The following KATNAL2 variants were observed in gnomAD, a reference collection of about 807,000 sequenced individuals.
KATNAL2 encodes katanin p60 ATPase-containing subunit A-like 2.
A neutral mutation model predicts 76.3 loss-of-function variants in KATNAL2; 52 were observed. The ratio of observed to expected loss-of-function variants is 0.68; its 90% CI spans 0.55 to 0.86. The LOEUF is 0.86. Among genes scored for constraint, KATNAL2 ranks in the 40% least tolerant of loss-of-function variants. KATNAL2 has a pLI of 0.00. For missense variants in KATNAL2, 660 were observed against 668.9 expected, an observed-to-expected ratio of 0.99 and a Z score of 0.15; for synonymous variants, 243 against 244.2, an observed-to-expected ratio of 1.00 and a Z score of 0.05.
At chr18:46,956,610 C>T (rs1331093158) in intron 3 of KATNAL2, among the ~76,000 whole-genome samples, 1 of 143,216 alleles carries the variant, frequency 7.0e-6, no homozygotes, top group East Asian at 1.9e-4. Flanking sequence ...TTGCTTTCTT[C>T]CCCCCATCCC....
In KATNAL2 at chr18:47,052,949, C is replaced by T. The variant is rs1053395321; in HGVS notation, c.192C>T (p.Asp64=). 6.2e-7 allele frequency: 1 copy of T among 1,611,862 alleles called. No individual in the cohort carries two copies. The highest frequency in any genetic ancestry group is 1.3e-5 in the African/African-American group (1 of 74,998). The change falls in exon 5 of 18, where the codon GAC becomes GAT. Residue 64 remains aspartate (D), a synonymous_variant. Coordinates refer to ENST00000683218, the MANE Select transcript of KATNAL2 (RefSeq NM_001387690.1). The part of the protein sequence containing the change: ...KLGLRRFEVC[D]NIDLETILME... The stretch of plus-strand genomic sequence containing the variant: ...GGTTACGACGGTTTGAAGTTTGTGA[C>T]AACATTGATCTTGAAACTATTTTGA...
chr18:47,033,437 G>A (rs748720042), intron 3 of KATNAL2: 1 of 1,614,136 alleles, frequency 6.2e-7, no homozygotes, highest in Non-Finnish European at 8.5e-7. Context: ...TCCGGAAGCC[G>A]CAGGTACTGC....
intron 3 of KATNAL2, among the ~76,000 whole-genome samples, chr18:46,959,418 C>A (rs925614738): frequency 1.3e-5 from 2 of 152,142 alleles, no homozygotes; most frequent in Non-Finnish European, 2.9e-5. Flanking sequence ...ATTAGACAAC[C>A]TGGAACATGT....
rs146945961 is a variant in KATNAL2, at chr18:46,935,110, C to T, written c.-509-10947C>T. Among the ~76,000 whole-genome samples, 14 of 151,790 alleles carry T rather than the reference C, an allele frequency of 9.2e-5. No individual in the cohort carries two copies. The East Asian group carries it at 2.3e-3, about 25-fold the overall frequency. On this transcript the variant is annotated intron_variant, in intron 1 of 17. Transcript: ENST00000683218. ...ACAAAAGGAAACCTACCAGAGCAAC[C>T]AGAAAAAGACTGCAATAAGAGCATG...
intron 8 of KATNAL2, among the ~76,000 whole-genome samples, chr18:47,062,112 G>C (rs2061652072): frequency 6.6e-6 from 1 of 152,118 alleles, no homozygotes; most frequent in South Asian, 2.1e-4. Flanking sequence ...GGGTATGCTG[G>C]TTCGCACCTG....
intron 1 of KATNAL2, among the ~76,000 whole-genome samples, chr18:46,936,807 T>C (rs150611627): frequency 0.019 from 2,949 of 152,060 alleles, 82 homozygotes; most frequent in African/African-American, 0.066. Context: ...TTTAAAAAAT[T>C]AGCCAAGTGT....
At chr18:47,038,889 C>G (rs1463056377) in intron 3 of KATNAL2, among the ~76,000 whole-genome samples, 1 of 152,088 alleles carries the variant, frequency 6.6e-6, no homozygotes, top group Non-Finnish European at 1.5e-5. Flanking sequence ...AGATTCTGAA[C>G]ACAGAAATGC....
At chr18:46,932,019 TC>T (rs2058939755) in intron 1 of KATNAL2, among the ~76,000 whole-genome samples, 2 of 151,994 alleles carry the variant, frequency 1.3e-5, no homozygotes, top group South Asian at 4.2e-4. Flanking sequence ...CAAGTGATTC[TC>T]CCACCTCAGC....
At chr18:47,034,412 C>T (rs1258316427) in intron 3 of KATNAL2, 2 of 1,614,102 alleles carry the variant, frequency 1.2e-6, no homozygotes, top group Non-Finnish European at 8.5e-7. Context: ...GCTTGCCCCC[C>T]TTCCTTGTCT....
At chr18:46,952,776 G>A (rs2065709317) in intron 3 of KATNAL2, among the ~76,000 whole-genome samples, 2 of 151,214 alleles carry the variant, frequency 1.3e-5, no homozygotes, top group African/African-American at 2.4e-5. Flanking sequence ...GCTTTCTTTC[G>A]TCTCTCTGAG....
chr18:47,046,785 T>C (rs934770752), intron 4 of KATNAL2, among the ~76,000 whole-genome samples: 1 of 152,198 alleles, frequency 6.6e-6, no homozygotes, highest in African/African-American at 2.4e-5. Context: ...TAGTTTACAT[T>C]AGGGTATACT....
chr18:47,099,448 C>A, intron 16 of KATNAL2, 43 bp downstream of exon 16: 1 of 1,536,668 alleles, frequency 6.5e-7, no homozygotes, highest in Non-Finnish European at 8.8e-7. Flanking sequence ...CAAGGGCCCA[C>A]CATATGGCCA....
At position 47,069,619 on chromosome 18, in the gene KATNAL2, GT is replaced by G; in HGVS notation, c.1008+24del. On this transcript the variant is annotated intron_variant, in intron 13 of 17. Coordinates refer to ENST00000683218, the MANE Select transcript of KATNAL2 (RefSeq NM_001387690.1). ...CGTTCGGGTAGGAATTCTTAATTTT[GT>G]TTTTAAAAATAAGTTCTAGTGTAAT... 6.5e-7 allele frequency: 1 copy of G among 1,547,884 alleles called. No homozygotes were observed. The highest frequency in any genetic ancestry group is 8.9e-7 in the Non-Finnish European group (1 of 1,123,048).
At chr18:47,036,063 C>G (rs55664322) in intron 3 of KATNAL2, among the ~76,000 whole-genome samples, 8,744 of 152,276 alleles carry the variant, frequency 0.057, 302 homozygotes, top group Non-Finnish European at 0.081. Flanking sequence ...CCCTCAAGCC[C>G]TGATGTTTCT....
intron 15 of KATNAL2, among the ~76,000 whole-genome samples, chr18:47,082,604 A>G (rs1308575019): frequency 2.0e-5 from 3 of 152,228 alleles, no homozygotes; most frequent in Non-Finnish European, 4.4e-5. Context: ...AAATAAGTAT[A>G]TAAAGTTCTT....
chr18:46,925,825 G>A (rs2058710608), intron 1 of KATNAL2, among the ~76,000 whole-genome samples: 1 of 152,178 alleles, frequency 6.6e-6, no homozygotes, highest in Admixed American at 6.5e-5. Context: ...GGATGTATGT[G>A]TCGAGGAATT....
chr18:47,075,727 G>A (rs908817571), intron 14 of KATNAL2, among the ~76,000 whole-genome samples: 1 of 152,196 alleles, frequency 6.6e-6, no homozygotes, highest in African/African-American at 2.4e-5. Context: ...GGCTGCCCCT[G>A]GGGAATGAGT....
chr18:47,071,174 A>AT (rs1241116169), intron 13 of KATNAL2, among the ~76,000 whole-genome samples: 1 of 151,960 alleles, frequency 6.6e-6, no homozygotes, highest in Non-Finnish European at 1.5e-5. Flanking sequence ...TAATTTTTGT[A>AT]TTTTTTGTAG....
intron 17 of KATNAL2, 60 bp downstream of exon 17, chr18:47,100,416 G>A: frequency 7.3e-7 from 1 of 1,371,528 alleles, no homozygotes; most frequent in South Asian, 1.2e-5. Flanking sequence ...CCTCTCACCA[G>A]CAGATGGAGC....
Sources: gnomAD v4.1 joint callset for allele counts (sites outside exome capture counted in the v4.1 genomes callset) on GRCh38, gnomAD v4.1.1 for gene constraint, MANE v1.5 for transcripts, NCBI Gene and HGNC (gene_info 2026-07-23, HGNC 2026-07-21) for gene names.